Variants in CNTN5 observed in about 807,000 individuals in gnomAD.
The protein encoded by CNTN5 is contactin 5.
Under a neutral mutation model 129.1 loss-of-function variants are expected in CNTN5, and 77 were observed. The observed-to-expected ratio is 0.60, with a 90% confidence interval of 0.50 to 0.72. CNTN5 has a LOEUF of 0.72. Ranked by LOEUF, CNTN5 falls within the 30% of genes least tolerant of loss-of-function variation. The probability of loss-of-function intolerance (pLI) is 0.00; values close to 1 mark genes in which losing one functional copy is unlikely to be tolerated. For missense variants in CNTN5, 1,478 were observed against 1,328.8 expected (o/e 1.11, Z -1.75); for synonymous variants, 509 against 465.6 (o/e 1.09, Z -1.20).
At chr11:100,087,353 C>A (rs141139461) in intron 13 of CNTN5, among the ~76,000 whole-genome samples, 1,888 of 151,632 alleles carry the variant, frequency 0.012, 48 homozygotes, top group African/African-American at 0.04. Flanking sequence ...CAAACATACA[C>A]CAAAAAACTC....
chr11:99,032,969 T>G lies in CNTN5; in HGVS notation c.-210+11699T>G, dbSNP rs1863477058. Among the ~76,000 whole-genome samples, 2 of 133,266 alleles carry G rather than the reference T, an allele frequency of 1.5e-5. 1 individual carries two copies. The highest frequency in any genetic ancestry group is 1.6e-4 in the Admixed American group (2 of 12,660). 87.4% of individuals were successfully genotyped at this position (133,266 alleles called of 152,430 possible). The stretch of plus-strand genomic sequence containing the variant: ...ATAAGGTGTAAGGAAGGGATCCAGT[T>G]TCAGCTTTCTGCATATGGCTAGCCA... On this transcript the variant is annotated intron_variant, in intron 1 of 24. Transcript: ENST00000524871.
At chr11:100,124,385 G>T (rs932132291) in intron 13 of CNTN5, among the ~76,000 whole-genome samples, 5 of 151,948 alleles carry the variant, frequency 3.3e-5, no homozygotes, top group African/African-American at 4.8e-5. Flanking sequence ...AAGGGCAAAG[G>T]TTTGTAAATG....
chr11:99,942,903 G>A (rs1950472123), intron 7 of CNTN5, among the ~76,000 whole-genome samples: 1 of 151,886 alleles, frequency 6.6e-6, no homozygotes, highest in Non-Finnish European at 1.5e-5. Flanking sequence ...ACCACATATG[G>A]AATATGTGGT....
At chr11:99,518,917 G>T (rs539265763) in intron 2 of CNTN5, among the ~76,000 whole-genome samples, 1 of 152,100 alleles carries the variant, frequency 6.6e-6, no homozygotes, top group African/African-American at 2.4e-5. Flanking sequence ...TGTATTAAAT[G>T]CATCCATTCT....
intron 9 of CNTN5, among the ~76,000 whole-genome samples, chr11:100,011,652 T>C (rs1259240151): frequency 6.6e-6 from 1 of 152,174 alleles, no homozygotes; most frequent in Non-Finnish European, 1.5e-5. Context: ...CTTATCTCTC[T>C]TTCAGATACC....
At chr11:99,746,759 G>T (rs1944068295) in intron 3 of CNTN5, among the ~76,000 whole-genome samples, 1 of 152,212 alleles carries the variant, frequency 6.6e-6, no homozygotes, top group Admixed American at 6.5e-5. Flanking sequence ...AACCAGCCCT[G>T]TGTGGCTGGG....
At chr11:99,475,421 GAA>G (rs1364174450) in intron 2 of CNTN5, among the ~76,000 whole-genome samples, 1 of 152,082 alleles carries the variant, frequency 6.6e-6, no homozygotes, top group Non-Finnish European at 1.5e-5. Flanking sequence ...AGCAGAAAAT[GAA>G]ATAGGAAAAC....
chr11:99,445,109 T>C (rs1236633443), intron 2 of CNTN5, among the ~76,000 whole-genome samples: 1 of 148,708 alleles, frequency 6.7e-6, no homozygotes, highest in African/African-American at 2.4e-5. Context: ...TATATATGTA[T>C]ATTTATATGC....
intron 2 of CNTN5, among the ~76,000 whole-genome samples, chr11:99,449,688 A>C (rs995520323): frequency 2.0e-5 from 3 of 152,174 alleles, no homozygotes; most frequent in African/African-American, 4.8e-5. Context: ...AACTGGTTCA[A>C]CTTGGACAGC....
At chr11:100,197,420 T>C (rs1400613633) in intron 15 of CNTN5, among the ~76,000 whole-genome samples, 2 of 152,002 alleles carry the variant, frequency 1.3e-5, no homozygotes, top group African/African-American at 4.8e-5. Flanking sequence ...TTACATTCAG[T>C]GTAGACCTGT....
At position 99,916,241 on chromosome 11, in the gene CNTN5, AG is replaced by A. The variant is rs1949787553; in HGVS notation, c.673+94del. On this transcript the variant is annotated intron_variant, in intron 7 of 24. Coordinates refer to ENST00000524871, the MANE Select transcript of CNTN5 (RefSeq NM_014361.4). ...CAGTATATTGATGGGAGAACATTTC[AG>A]GTGAAATGTGCATGGTTTTCTTGAC... 7 of 945,588 alleles carry A rather than the reference AG, an allele frequency of 7.4e-6. No homozygotes were observed. In the South Asian group the frequency reaches 1.1e-4, roughly 15 times the overall value. 58.6% of individuals were successfully genotyped at this position (945,588 alleles called of 1,614,324 possible).
At chr11:99,404,189 G>A (rs1555136031) in intron 2 of CNTN5, among the ~76,000 whole-genome samples, 1 of 150,698 alleles carries the variant, frequency 6.6e-6, no homozygotes, top group African/African-American at 2.4e-5. Flanking sequence ...GCTTTTTTTT[G>A]GTTTCTATTG....
intron 16 of CNTN5, among the ~76,000 whole-genome samples, chr11:100,237,357 C>A (rs1215403277): frequency 6.6e-6 from 1 of 152,068 alleles, no homozygotes; most frequent in Non-Finnish European, 1.5e-5. Context: ...AGTCTGTGTT[C>A]CAAAATACTA....
chr11:99,125,781 C>T (rs1858595232), intron 1 of CNTN5, among the ~76,000 whole-genome samples: 14 of 152,242 alleles, frequency 9.2e-5, no homozygotes, highest in Admixed American at 8.5e-4. Flanking sequence ...ATTATTTTCA[C>T]TTTTAATAGT....
chr11:99,940,528 A>G (rs1950411310), intron 7 of CNTN5, among the ~76,000 whole-genome samples: 1 of 152,134 alleles, frequency 6.6e-6, no homozygotes, highest in Non-Finnish European at 1.5e-5. Context: ...TAAAGTGTTT[A>G]TTTAGGTACA....
chr11:100,159,394 A>G lies in CNTN5; in HGVS notation c.1581-31732A>G, dbSNP rs982685069. Among the ~76,000 whole-genome samples, 3 of 151,852 alleles carry G rather than the reference A, an allele frequency of 2.0e-5. No homozygotes were observed. In the East Asian group the frequency reaches 5.8e-4, roughly 29 times the overall value. On this transcript the variant is annotated intron_variant, in intron 13 of 24. Coordinates refer to ENST00000524871, the MANE Select transcript of CNTN5 (RefSeq NM_014361.4). ...TACTTATTTTTAAAATATCTACCAT[A>G]CACCAAAACTGCTCTATTACTGCTA... is the stretch of plus-strand genomic sequence containing the variant.
intron 3 of CNTN5, among the ~76,000 whole-genome samples, chr11:99,765,275 T>C (rs985764538): frequency 3.9e-5 from 6 of 152,082 alleles, no homozygotes; most frequent in African/African-American, 1.2e-4. Context: ...TAAATATCAC[T>C]ATGTTACTTA....
chr11:100,094,193 G>A (rs931029214), intron 13 of CNTN5, among the ~76,000 whole-genome samples: 2 of 152,046 alleles, frequency 1.3e-5, no homozygotes, highest in South Asian at 4.1e-4. Context: ...TGGTAGATGC[G>A]GAAATCTTAT....
intron 1 of CNTN5, among the ~76,000 whole-genome samples, chr11:99,215,021 C>T (rs1379979468): frequency 9.9e-5 from 15 of 151,588 alleles, no homozygotes; most frequent in Admixed American, 9.9e-4. Context: ...CATGAAGTGC[C>T]TTTAAAAAAG....
Sources: gnomAD v4.1 joint callset for allele counts (sites outside exome capture counted in the v4.1 genomes callset) on GRCh38, gnomAD v4.1.1 for gene constraint, MANE v1.5 for transcripts, NCBI Gene and HGNC (gene_info 2026-07-23, HGNC 2026-07-21) for gene names.